Variants in CDK14 observed in about 807,000 individuals in gnomAD.
CDK14 encodes the protein cyclin dependent kinase 14.
In CDK14, 34 loss-of-function variants were observed where a neutral mutation model predicts 60.7. That is an observed-to-expected ratio of 0.56 (90% CI 0.43 to 0.75). The LOEUF (loss-of-function observed/expected upper bound fraction) is 0.75. Among genes scored for constraint, CDK14 ranks in the 30% least tolerant of loss-of-function variants. The pLI is 0.00. For missense variants in CDK14, 482 were observed against 564.1 expected, an observed-to-expected ratio of 0.85 and a Z score of 1.47; for synonymous variants, 197 against 203.7, an observed-to-expected ratio of 0.97 and a Z score of 0.28.
At chr7:90,944,103 T>C (rs1179041675) in intron 8 of CDK14, among the ~76,000 whole-genome samples, 1 of 152,162 alleles carries the variant, frequency 6.6e-6, no homozygotes, top group Non-Finnish European at 1.5e-5. Flanking sequence ...CTTCCACTTC[T>C]CTACAACATG....
rs1584220660 is a variant in CDK14 at position 91,209,435 on chromosome 7, A to G, written c.*2299A>G. On this transcript the variant is annotated 3_prime_UTR_variant, in exon 15 of 15. Coordinates refer to ENST00000380050, the MANE Select transcript of CDK14 (RefSeq NM_001287135.2). ...TCTTTCTTTCTCTTTCTCCCCCCAA[A>G]CCCCTCTCACTCCCTCCCTCCCTCT... The G allele has an allele frequency of 6.7e-6, 1 of 149,296 alleles. No homozygotes were observed. Among genetic ancestry groups the G allele is most frequent in the African/African-American group, 2.5e-5 (1 of 40,324 alleles). The allele number at this position is 149,296 out of a possible 1,614,324, so 9.2% of individuals were successfully genotyped here.
intron 14 of CDK14, among the ~76,000 whole-genome samples, chr7:91,202,686 C>A (rs1438737601): frequency 6.6e-6 from 1 of 152,146 alleles, no homozygotes. Context: ...AAGGGACATC[C>A]CGTGCTGCTG....
At chr7:91,051,236 A>G (rs2116053043) in intron 11 of CDK14, among the ~76,000 whole-genome samples, 1 of 152,220 alleles carries the variant, frequency 6.6e-6, no homozygotes, top group South Asian at 2.1e-4. Flanking sequence ...TGCCCCTATG[A>G]CCCAAACACT....
intron 11 of CDK14, among the ~76,000 whole-genome samples, chr7:91,060,791 C>G (rs1797759215): frequency 6.6e-6 from 1 of 152,170 alleles, no homozygotes; most frequent in African/African-American, 2.4e-5. Flanking sequence ...ATGGGCTTCC[C>G]TTTGTGGGTA....
In CDK14 at chr7:91,134,158, A is replaced by G. The variant is rs934524786; in HGVS notation, c.*28+15950A>G. On this transcript the variant is annotated intron_variant, in intron 14 of 14. Coordinates refer to ENST00000380050, the MANE Select transcript of CDK14 (RefSeq NM_001287135.2). ...CATTGAGTCTTTTTAATGAAACAATATGTACTTTCCTATGCCAAGACTAAT... is the reference window on the plus strand; with the variant it reads ...CATTGAGTCTTTTTAATGAAACAATGTGTACTTTCCTATGCCAAGACTAAT... 2.6e-5 allele frequency among the ~76,000 whole-genome samples: 4 copies of G among 152,098 alleles called. No homozygotes were observed. The East Asian group carries it at 7.7e-4, about 29-fold the overall frequency.
At position 91,165,393 on chromosome 7, in the gene CDK14, T is replaced by C. The variant is rs941331420; in HGVS notation, c.*29-41772T>C. 5.9e-5 allele frequency among the ~76,000 whole-genome samples: 9 copies of C among 152,264 alleles called. No individual in the cohort carries two copies. In the East Asian group the frequency reaches 1.7e-3, roughly 29 times the overall value. ...GCACCGTGTTAGGAGTCCAAATACA[T>C]GAGTTTTGGGCTAAACCTTGTCACT... On this transcript the variant is annotated intron_variant, in intron 14 of 14. Transcript: ENST00000380050.
chr7:90,815,972 G>A (rs1255951492), intron 5 of CDK14, among the ~76,000 whole-genome samples: 1 of 151,964 alleles, frequency 6.6e-6, no homozygotes, highest in Non-Finnish European at 1.5e-5. Context: ...ATGCATGCGG[G>A]GCTTAAGACC....
chr7:90,762,990 A>G (rs144187079), intron 4 of CDK14, among the ~76,000 whole-genome samples: 82 of 152,314 alleles, frequency 5.4e-4, no homozygotes, highest in Non-Finnish European at 9.1e-4. Flanking sequence ...AAAAATTAAC[A>G]TAGCTGCAGT....
chr7:90,986,719 CAA>C (rs1264818579), intron 10 of CDK14, among the ~76,000 whole-genome samples: 1 of 151,714 alleles, frequency 6.6e-6, no homozygotes, highest in African/African-American at 2.4e-5. Context: ...AATTTTTATG[CAA>C]AGACATATCT....
rs1799661911 is a variant in CDK14, at chr7:91,118,065, T to C, written c.1295T>C (p.Met432Thr). ...TGAAAACTTCATATTCTGTCCACAG[T>C]GTCTTCTATTTTTACTGTCCCAAAT... Reference protein sequence around the residue: ...LPPRLWELTDMSSIFTVPNVR... With the variant: ...LPPRLWELTDTSSIFTVPNVR... Residue 432 changes from methionine (M) to threonine (T), a missense_variant and splice_region_variant, in exon 14 of 15, where the codon ATG becomes ACG. Physicochemically the swap from Met to Thr is moderately conservative, Grantham distance 81 (BLOSUM62 -1). Coordinates refer to ENST00000380050, the MANE Select transcript of CDK14 (RefSeq NM_001287135.2). The C allele has an allele frequency of 6.4e-7, 1 of 1,563,134 alleles. No individual in the cohort carries two copies. The highest frequency in any genetic ancestry group is 8.8e-7 in the Non-Finnish European group (1 of 1,134,508).
At chr7:90,785,844 A>G (rs1584891246) in intron 4 of CDK14, among the ~76,000 whole-genome samples, 1 of 151,936 alleles carries the variant, frequency 6.6e-6, no homozygotes, top group Non-Finnish European at 1.5e-5. Flanking sequence ...CCCACAAGAA[A>G]ATTTTATATT....
chr7:90,652,761 G>C (rs1355328167), intron 2 of CDK14, among the ~76,000 whole-genome samples: 1 of 152,140 alleles, frequency 6.6e-6, no homozygotes, highest in Non-Finnish European at 1.5e-5. Context: ...GTTGTAATTT[G>C]TAAGTGATAA....
intron 10 of CDK14, among the ~76,000 whole-genome samples, chr7:90,995,554 T>C (rs759749979): frequency 3.3e-5 from 5 of 152,218 alleles, no homozygotes; most frequent in Non-Finnish European, 5.9e-5. Context: ...TATAGAGATA[T>C]ACTAATAGAT....
At chr7:90,614,628 A>T (rs1032258428) in intron 2 of CDK14, among the ~76,000 whole-genome samples, 3 of 152,028 alleles carry the variant, frequency 2.0e-5, no homozygotes, top group East Asian at 1.9e-4. Context: ...AAAAAATAAT[A>T]AAAAAGATGG....
At chr7:90,699,477 T>G (rs1284878703) in intron 2 of CDK14, among the ~76,000 whole-genome samples, 1 of 152,210 alleles carries the variant, frequency 6.6e-6, no homozygotes, top group Non-Finnish European at 1.5e-5. Context: ...GATTGGTACC[T>G]TGCCCAAGGC....
intron 11 of CDK14, among the ~76,000 whole-genome samples, chr7:91,074,123 T>C (rs577654506): frequency 3.3e-4 from 50 of 152,294 alleles, no homozygotes; most frequent in African/African-American, 1.1e-3. Context: ...ATTCAGAACT[T>C]GAACTCAGCT....
chr7:90,747,589 C>A, intron 3 of CDK14, 92 bp from the exon 4 acceptor site: 1 of 702,698 alleles, frequency 1.4e-6, no homozygotes, highest in Non-Finnish European at 2.4e-6. Flanking sequence ...TAAAAAGTGA[C>A]AGAGAATCTG....
At chr7:90,729,371 T>C (rs1213250990) in intron 3 of CDK14, among the ~76,000 whole-genome samples, 5 of 132,902 alleles carry the variant, frequency 3.8e-5, no homozygotes, top group African/African-American at 1.0e-4. Flanking sequence ...TTTTTTTTTT[T>C]CCCCACTCAT....
intron 13 of CDK14, 120 bp downstream of exon 13, chr7:91,112,801 T>C: frequency 1.0e-6 from 1 of 979,078 alleles, no homozygotes; most frequent in Non-Finnish European, 1.5e-6. Context: ...TAAGATAATG[T>C]ATGTTTGTAT....
Sources: allele counts gnomAD v4.1 joint callset (sites outside exome capture counted in the v4.1 genomes callset), GRCh38; gene constraint gnomAD v4.1.1; transcripts MANE v1.5; gene names NCBI Gene and HGNC (gene_info 2026-07-23, HGNC 2026-07-21).